The following CFAP20DC variants were observed in gnomAD, a reference collection of about 807,000 sequenced individuals.
The protein encoded by CFAP20DC is protein CFAP20DC.
A neutral mutation model predicts 101.7 loss-of-function variants in CFAP20DC; 84 were observed. That is an observed-to-expected ratio of 0.83 (90% confidence interval 0.69 to 0.99). The LOEUF is 0.99. Among genes scored for constraint, CFAP20DC ranks in the 50% least tolerant of loss-of-function variants. The probability of loss-of-function intolerance (pLI) is 0.00; values close to 1 mark genes in which losing one functional copy is unlikely to be tolerated. For missense variants in CFAP20DC, 1,007 were observed against 970.3 expected, an observed-to-expected ratio of 1.04 and a Z score of -0.50; for synonymous variants, 359 against 351.2, an observed-to-expected ratio of 1.02 and a Z score of -0.25.
At chr3:59,011,014 T>C (rs2093569195) in intron 4 of CFAP20DC, among the ~76,000 whole-genome samples, 1 of 152,162 alleles carries the variant, frequency 6.6e-6, no homozygotes, top group South Asian at 2.1e-4. Context: ...TCAACTGGAC[T>C]ATAATAGTGG....
At chr3:58,761,953 C>A (rs1258269110) in intron 15 of CFAP20DC, among the ~76,000 whole-genome samples, 1 of 152,142 alleles carries the variant, frequency 6.6e-6, no homozygotes, top group African/African-American at 2.4e-5. Flanking sequence ...TGCTTTACTT[C>A]CAACTATGTG....
chr3:58,817,265 G>T (rs1423940616), intron 14 of CFAP20DC, among the ~76,000 whole-genome samples: 1 of 152,202 alleles, frequency 6.6e-6, no homozygotes, highest in Non-Finnish European at 1.5e-5. Flanking sequence ...AGTTCCTCAA[G>T]AGCAACGGAA....
intron 5 of CFAP20DC, among the ~76,000 whole-genome samples, chr3:58,916,921 T>C (rs1285649569): frequency 6.6e-6 from 1 of 152,168 alleles, no homozygotes; most frequent in African/African-American, 2.4e-5. Context: ...CTTTATAAAA[T>C]ATTATTTTCA....
chr3:58,793,224 CTA>C (rs1002291861), intron 15 of CFAP20DC, among the ~76,000 whole-genome samples: 2 of 152,154 alleles, frequency 1.3e-5, no homozygotes, highest in African/African-American at 2.4e-5. Flanking sequence ...TGCCTTCTGA[CTA>C]TGAGTAATCT....
intron 7 of CFAP20DC, among the ~76,000 whole-genome samples, chr3:58,873,998 A>G (rs936588623): frequency 7.2e-5 from 11 of 152,250 alleles, no homozygotes; most frequent in African/African-American, 2.4e-4. Context: ...AAGTCTGGAT[A>G]GCTATTCTGG....
At chr3:58,978,052 G>A (rs1325270990) in intron 4 of CFAP20DC, among the ~76,000 whole-genome samples, 1 of 152,182 alleles carries the variant, frequency 6.6e-6, no homozygotes. Flanking sequence ...AAGAGGAAAG[G>A]ATCCGGAAGT....
Position 58,795,538 on chromosome 3 carries a change from T to C in CFAP20DC, c.2237+10857A>G, listed in dbSNP as rs118104585. Among the ~76,000 whole-genome samples, 9 of 152,100 alleles carry C rather than the reference T, an allele frequency of 5.9e-5. No individual in the cohort carries two copies. The East Asian group carries it at 1.2e-3, about 20-fold the overall frequency. Reference sequence around the variant, plus strand: ...TACATGGGAAGCTGGAGTGGGAGAGTTACCTGAGCCCGGGAGGCCGAGGCT... The same window carrying C: ...TACATGGGAAGCTGGAGTGGGAGAGCTACCTGAGCCCGGGAGGCCGAGGCT... On this transcript the variant is annotated intron_variant, in intron 15 of 16. Transcript: ENST00000482387. The surrounding 1 kb of genome is among the most constrained non-coding windows in gnomAD (Gnocchi z 4.2).
In CFAP20DC at chr3:58,979,275, G is replaced by A. The variant is rs28419364; in HGVS notation, c.279-41513C>T. Among the ~76,000 whole-genome samples, 1,514 of 152,210 alleles carry A rather than the reference G, an allele frequency of 9.9e-3. 28 individuals are homozygous for A. The highest frequency in any genetic ancestry group is 0.034 in the African/African-American group (1,420 of 41,522). On this transcript the variant is annotated intron_variant, in intron 4 of 16. Transcript: ENST00000482387. ...GCCTGTAGTACTTGGGGCAAGTTAGGGCTCCCTCTTCTCAATTTCCTCACC... is the reference window on the plus strand; with the variant it reads ...GCCTGTAGTACTTGGGGCAAGTTAGAGCTCCCTCTTCTCAATTTCCTCACC...
intron 5 of CFAP20DC, among the ~76,000 whole-genome samples, chr3:58,936,647 C>T (rs1222932158): frequency 6.6e-6 from 1 of 152,082 alleles, no homozygotes; most frequent in Non-Finnish European, 1.5e-5. Flanking sequence ...AGCTGGAAAC[C>T]ATCATTCTCA....
Position 59,049,641 on chromosome 3 carries a change from G to A in CFAP20DC, c.-10C>T. 1.3e-6 allele frequency: 2 copies of A among 1,536,122 alleles called. No homozygotes were observed. Among genetic ancestry groups the A allele is most frequent in the Admixed American group, 2.0e-5 (1 of 50,994 alleles). ...ACTCATTTTTGAACATTCCCGCAGG[G>A]GGCCCAGGGCTTGGGGGGCACAGAG... On this transcript the variant is annotated 5_prime_UTR_variant, in exon 1 of 17. Coordinates refer to ENST00000482387, the MANE Select transcript of CFAP20DC (RefSeq NM_001394063.1).
chr3:58,951,910 TA>T (rs968940018), intron 4 of CFAP20DC, among the ~76,000 whole-genome samples: 11 of 151,578 alleles, frequency 7.3e-5, no homozygotes, highest in Admixed American at 6.6e-4. Context: ...AGTATAATAA[TA>T]AAAAAAAGGG....
chr3:58,761,447 T>A (rs1185620273), intron 15 of CFAP20DC, among the ~76,000 whole-genome samples: 2 of 152,252 alleles, frequency 1.3e-5, no homozygotes, highest in Non-Finnish European at 2.9e-5. Context: ...TTAGTCTTGC[T>A]AGTGGTCTAT....
At chr3:58,937,545 C>A in intron 5 of CFAP20DC, 103 bp downstream of exon 5, 1 of 717,336 alleles carries the variant, frequency 1.4e-6, no homozygotes. Context: ...ATTTTTTATA[C>A]CACCATCGTA....
intron 11 of CFAP20DC, 105 bp downstream of exon 11, chr3:58,866,461 G>T: frequency 2.3e-6 from 2 of 885,822 alleles, no homozygotes; most frequent in Non-Finnish European, 3.3e-6. Flanking sequence ...ACACATTTTA[G>T]CAAATCGGCT....
intron 12 of CFAP20DC, among the ~76,000 whole-genome samples, chr3:58,851,193 T>C (rs553632215): frequency 6.6e-6 from 1 of 152,154 alleles, no homozygotes; most frequent in East Asian, 1.9e-4. Context: ...TTGTGTGAAG[T>C]AGGGGAATGT....
Position 58,729,424 on chromosome 3 carries a change from T to G in CFAP20DC, c.198-11796A>C, listed in dbSNP as rs1224709003. Among the ~76,000 whole-genome samples, 2 of 152,198 alleles carry G rather than the reference T, an allele frequency of 1.3e-5. No individual in the cohort carries two copies. The highest frequency in any genetic ancestry group is 4.8e-5 in the African/African-American group (2 of 41,462). ...CTTGTATACAGTAAAACAATTGATT[T>G]TTATATAATGACTTTTATCCAACAA... On this transcript the variant is annotated intron_variant, in intron 3 of 3. Coordinates refer to the CFAP20DC transcript ENST00000486145. The surrounding 1 kb of genome is among the most constrained non-coding windows in gnomAD (Gnocchi z 4.4).
chr3:58,804,615 A>T (rs1293206353), intron 15 of CFAP20DC, among the ~76,000 whole-genome samples: 2 of 152,194 alleles, frequency 1.3e-5, no homozygotes, highest in Non-Finnish European at 2.9e-5. Flanking sequence ...CATCTGCCTT[A>T]GTCTCCCAAA....
chr3:58,801,866 T>A (rs1490253242), intron 15 of CFAP20DC, among the ~76,000 whole-genome samples: 1 of 152,226 alleles, frequency 6.6e-6, no homozygotes, highest in Non-Finnish European at 1.5e-5. Context: ...GCAATGACAT[T>A]TTTAAAAACT....
chr3:58,842,192 C>T (rs1362695794), intron 13 of CFAP20DC, among the ~76,000 whole-genome samples: 1 of 151,808 alleles, frequency 6.6e-6, no homozygotes, highest in Non-Finnish European at 1.5e-5. Flanking sequence ...CAGCTCCGGT[C>T]TACAGCTCCC....
Sources: gnomAD v4.1 joint callset for allele counts (sites outside exome capture counted in the v4.1 genomes callset) on GRCh38, gnomAD v4.1.1 for gene constraint, Gnocchi (gnomAD v3.1) non-coding constraint, MANE v1.5 for transcripts, NCBI Gene and HGNC (gene_info 2026-07-23, HGNC 2026-07-21) for gene names.